Variants in ADCY8 observed in about 807,000 individuals in gnomAD.
ADCY8 encodes the protein adenylate cyclase type 8.
In ADCY8, 51 loss-of-function variants were observed where a neutral mutation model predicts 119.7. That is an observed-to-expected ratio of 0.43 (90% CI 0.34 to 0.54). The LOEUF (loss-of-function observed/expected upper bound fraction) is 0.54, where lower values mean the gene tolerates loss of function less well. Ranked by LOEUF, ADCY8 falls within the 20% of genes least tolerant of loss-of-function variation. The pLI, the probability that ADCY8 is intolerant of heterozygous loss-of-function variation, is 0.03. For synonymous variants in ADCY8, 665 were observed against 651.0 expected (o/e 1.02, Z -0.33); for missense variants, 1,383 against 1,598.8 (o/e 0.87, Z 2.30).
chr8:130,816,504 C>T (rs1405662611), intron 13 of ADCY8, among the ~76,000 whole-genome samples: 1 of 149,270 alleles, frequency 6.7e-6, no homozygotes, highest in East Asian at 2.0e-4. Context: ...CAGCTCACTG[C>T]AAGCTCCGCC....
chr8:130,989,426 A>AT (rs34808090), intron 2 of ADCY8, among the ~76,000 whole-genome samples: 4,817 of 152,210 alleles, frequency 0.032, 99 homozygotes, highest in East Asian at 0.059. Context: ...TTTCTTTATG[A>AT]TTTTTGCAAA....
intron 11 of ADCY8, among the ~76,000 whole-genome samples, chr8:130,839,859 C>A (rs750449650): frequency 2.1e-5 from 3 of 139,880 alleles, no homozygotes; most frequent in Non-Finnish European, 4.8e-5. Context: ...TAAGGAACCA[C>A]GGATGAGTTT....
At chr8:130,795,876 C>T (rs907142154) in intron 15 of ADCY8, among the ~76,000 whole-genome samples, 4 of 152,100 alleles carry the variant, frequency 2.6e-5, no homozygotes, top group Admixed American at 1.3e-4. Flanking sequence ...AAAGTGAAGC[C>T]CCTCTTCTGC....
At chr8:131,036,657 CA>C in intron 1 of ADCY8, among the ~76,000 whole-genome samples, 1 of 152,146 alleles carries the variant, frequency 6.6e-6, no homozygotes, top group South Asian at 2.1e-4. Flanking sequence ...GAAAATGAAA[CA>C]AGTCGTTTAC....
intron 2 of ADCY8, among the ~76,000 whole-genome samples, chr8:130,968,461 G>A (rs1410593421): frequency 2.6e-5 from 4 of 152,118 alleles, no homozygotes; most frequent in East Asian, 1.9e-4. Flanking sequence ...GTGAGCCACC[G>A]CACCCGGCCA....
intron 15 of ADCY8, among the ~76,000 whole-genome samples, chr8:130,789,351 G>A (rs1203192529): frequency 6.6e-6 from 1 of 152,038 alleles, no homozygotes; most frequent in Non-Finnish European, 1.5e-5. Context: ...AAGCTTCGTG[G>A]GTGCCTCTCT....
At chr8:130,887,832 TA>T (rs1424813943) in intron 7 of ADCY8, among the ~76,000 whole-genome samples, 7 of 150,314 alleles carry the variant, frequency 4.7e-5, no homozygotes, top group African/African-American at 1.7e-4. Context: ...TTCAGTGGGA[TA>T]ATGTTACCAA....
chr8:131,003,301 A>G (rs960675309), intron 1 of ADCY8, among the ~76,000 whole-genome samples: 6 of 152,196 alleles, frequency 3.9e-5, no homozygotes, highest in African/African-American at 1.4e-4. Flanking sequence ...TTGAGAAAAA[A>G]TAAAAGAAGT....
intron 14 of ADCY8, among the ~76,000 whole-genome samples, chr8:130,813,186 G>T (rs1816224782): frequency 1.3e-5 from 2 of 151,968 alleles, no homozygotes; most frequent in South Asian, 2.1e-4. Context: ...TGACCTCATG[G>T]TCCACCCGCC....
rs552859497 is a variant in ADCY8 at position 130,940,661 on chromosome 8, T to C, written c.1353+2690A>G. ...CAGTAATATCTGAATAACTTATTTGTACCAGAAACTACCTTGAAAAGATCA... is the reference window on the plus strand; with the variant it reads ...CAGTAATATCTGAATAACTTATTTGCACCAGAAACTACCTTGAAAAGATCA... On this transcript the variant is annotated intron_variant, in intron 4 of 17. Transcript: ENST00000286355. Among the ~76,000 whole-genome samples, 4 of 152,284 alleles carry C rather than the reference T, an allele frequency of 2.6e-5. No individual in the cohort carries two copies. In the South Asian group the frequency reaches 6.2e-4, roughly 24 times the overall value.
At chr8:130,846,894 T>TCCTGCCTGCCTGCCTG (rs1563689872) in intron 11 of ADCY8, among the ~76,000 whole-genome samples, 20 of 50,746 alleles carry the variant, frequency 3.9e-4, no homozygotes, top group African/African-American at 1.3e-3. Flanking sequence ...TCCCTTTCCT[T>TCCTGCCTGCCTGCCTG]CCTTCCTTCC....
chr8:130,882,118 G>GTTTTTT (rs35806429), intron 8 of ADCY8, among the ~76,000 whole-genome samples: 1 of 133,052 alleles, frequency 7.5e-6, no homozygotes, highest in African/African-American at 2.8e-5. Flanking sequence ...CCATATTGAG[G>GTTTTTT]TTTTTTTTTT....
intron 3 of ADCY8, among the ~76,000 whole-genome samples, chr8:130,944,965 G>A (rs983957904): frequency 2.0e-5 from 3 of 152,174 alleles, no homozygotes; most frequent in African/African-American, 7.2e-5. Flanking sequence ...GACATATTGG[G>A]GGGTGACCAG....
chr8:130,898,095 G>A (rs550868998), intron 7 of ADCY8, among the ~76,000 whole-genome samples: 41 of 152,088 alleles, frequency 2.7e-4, no homozygotes, highest in Non-Finnish European at 5.1e-4. Flanking sequence ...AAAGATGGAA[G>A]CAGTGTGAAC....
At chr8:130,801,352 A>G (rs1259806852) in intron 14 of ADCY8, among the ~76,000 whole-genome samples, 1 of 151,950 alleles carries the variant, frequency 6.6e-6, no homozygotes, top group South Asian at 2.1e-4. Flanking sequence ...TCCAATCCTC[A>G]TAGACTTGCC....
chr8:131,008,952 T>C (rs866646244), intron 1 of ADCY8, among the ~76,000 whole-genome samples: 14 of 152,040 alleles, frequency 9.2e-5, no homozygotes, highest in African/African-American at 3.1e-4. Context: ...ACTTTGAACT[T>C]GAGAGAGATG....
At position 130,993,821 on chromosome 8, in the gene ADCY8, C is replaced by T. The variant is rs75805905; in HGVS notation, c.961-3279G>A. Among the ~76,000 whole-genome samples, 509 of 152,226 alleles carry T rather than the reference C, an allele frequency of 3.3e-3. 5 individuals are homozygous for T. Among genetic ancestry groups the T allele is most frequent in the Admixed American group, 0.024 (367 of 15,278 alleles). On this transcript the variant is annotated intron_variant, in intron 1 of 17. Coordinates refer to ENST00000286355, the MANE Select transcript of ADCY8 (RefSeq NM_001115.3). ...TATGTCTTTATCAACCTCATGAAAA[C>T]GGACTAATACAAACATGCTATTCAA...
At chr8:130,837,004 G>T (rs1474686417) in intron 11 of ADCY8, among the ~76,000 whole-genome samples, 1 of 152,118 alleles carries the variant, frequency 6.6e-6, no homozygotes, top group African/African-American at 2.4e-5. Context: ...AAAGTGCTGG[G>T]ATTACAGGCA....
At chr8:130,853,268 A>C (rs994886408) in intron 9 of ADCY8, among the ~76,000 whole-genome samples, 10 of 152,240 alleles carry the variant, frequency 6.6e-5, no homozygotes, top group African/African-American at 2.4e-4. Context: ...CTCTTTGGCC[A>C]GGGCATCTCT....
Sources: allele counts gnomAD v4.1 joint callset (sites outside exome capture counted in the v4.1 genomes callset), GRCh38; gene constraint gnomAD v4.1.1; transcripts MANE v1.5; gene names NCBI Gene and HGNC (gene_info 2026-07-23, HGNC 2026-07-21).